PTPRD: variants seen among roughly 807,000 people sequenced by gnomAD.
PTPRD encodes the protein receptor-type tyrosine-protein phosphatase delta.
Under a neutral mutation model 214.5 loss-of-function variants are expected in PTPRD, and 34 were observed. That is an observed-to-expected ratio of 0.16 (90% CI 0.12 to 0.21). The LOEUF (loss-of-function observed/expected upper bound fraction) is 0.21. Among genes scored for constraint, PTPRD ranks in the 10% least tolerant of loss-of-function variants. PTPRD has a pLI of 1.00. For missense variants in PTPRD, 2,545 were observed against 2,398.7 expected (o/e 1.06, Z -1.27); for synonymous variants, 1,128 against 845.7 (o/e 1.33, Z -5.79).
intron 8 of PTPRD, among the ~76,000 whole-genome samples, chr9:9,545,959 A>G (rs900497214): frequency 6.6e-6 from 1 of 151,466 alleles, no homozygotes; most frequent in African/African-American, 2.4e-5. Flanking sequence ...AATTTTTTTT[A>G]TTCTATCAGG....
intron 10 of PTPRD, among the ~76,000 whole-genome samples, chr9:9,153,809 G>C (rs1223979144): frequency 6.6e-6 from 1 of 152,098 alleles, no homozygotes. Context: ...ATTTGGGGTA[G>C]AGGAGACATA....
intron 7 of PTPRD, among the ~76,000 whole-genome samples, chr9:9,607,030 G>GA (rs1554691947): frequency 1.7e-5 from 2 of 116,432 alleles, no homozygotes; most frequent in African/African-American, 6.6e-5. Context: ...TCACCGACCA[G>GA]CATAATTCAG....
chr9:8,736,894 G>A (rs1452063821), intron 11 of PTPRD, among the ~76,000 whole-genome samples: 1 of 152,064 alleles, frequency 6.6e-6, no homozygotes, highest in African/African-American at 2.4e-5. Context: ...AGTGCTAAAG[G>A]AATCAGCTCT....
In PTPRD at chr9:9,370,116, A is replaced by C. The variant is rs2059049462; in HGVS notation, c.-203+27333T>G. ...CGGGCTCTTTTTTCGTTCCATATGAACTTTAAAGTAGTTTTTTCCAATTCT... is the reference window on the plus strand; with the variant it reads ...CGGGCTCTTTTTTCGTTCCATATGACCTTTAAAGTAGTTTTTTCCAATTCT... On this transcript the variant is annotated intron_variant, in intron 9 of 45. Coordinates refer to ENST00000381196, the MANE Select transcript of PTPRD (RefSeq NM_002839.4). Among the ~76,000 whole-genome samples, 5 of 152,152 alleles carry C rather than the reference A, an allele frequency of 3.3e-5. No individual in the cohort carries two copies. The South Asian group carries it at 1.0e-3, about 32-fold the overall frequency.
intron 12 of PTPRD, among the ~76,000 whole-genome samples, chr9:8,690,772 A>G (rs61002972): frequency 0.21 from 32,181 of 152,050 alleles, 3,498 homozygotes; most frequent in Admixed American, 0.28. Flanking sequence ...AGTGAAAACT[A>G]AGAAAACTCT....
intron 8 of PTPRD, among the ~76,000 whole-genome samples, chr9:9,478,319 A>G (rs545392124): frequency 2.6e-5 from 4 of 152,330 alleles, no homozygotes; most frequent in South Asian, 2.1e-4. Flanking sequence ...GCATCTTCTT[A>G]GTTCTGAAAT....
intron 4 of PTPRD, among the ~76,000 whole-genome samples, chr9:10,015,740 C>A (rs1588960653): frequency 1.3e-5 from 2 of 152,114 alleles, no homozygotes; most frequent in Admixed American, 6.5e-5. Context: ...GGGGGAACCA[C>A]AATAGCAGCC....
chr9:9,216,476 T>A (rs1051845023), intron 9 of PTPRD, among the ~76,000 whole-genome samples: 1 of 152,198 alleles, frequency 6.6e-6, no homozygotes, highest in Non-Finnish European at 1.5e-5. Flanking sequence ...CCCTTCTATA[T>A]GCCCTTTCTT....
chr9:9,460,234 A>G (rs2145842392), intron 8 of PTPRD, among the ~76,000 whole-genome samples: 1 of 152,298 alleles, frequency 6.6e-6, no homozygotes, highest in South Asian at 2.1e-4. Context: ...GAACCATTAA[A>G]AATCCTAGAA....
At chr9:10,400,223 C>T (rs1170752704) in intron 2 of PTPRD, among the ~76,000 whole-genome samples, 1 of 151,702 alleles carries the variant, frequency 6.6e-6, no homozygotes, top group Non-Finnish European at 1.5e-5. Context: ...AATAATAGTG[C>T]TCACTCACAG....
At chr9:9,900,770 G>A (rs1157236340) in intron 5 of PTPRD, among the ~76,000 whole-genome samples, 1 of 151,652 alleles carries the variant, frequency 6.6e-6, no homozygotes, top group Non-Finnish European at 1.5e-5. Context: ...CCGAGTAGCT[G>A]GAACTACAGG....
In PTPRD at chr9:8,316,217, C is replaced by CAAAG. The variant is rs1554651068; in HGVS notation, c.*1653_*1656dup. 5.7e-5 allele frequency: 13 copies of CAAAG among 229,622 alleles called. No homozygotes were observed. The highest frequency in any genetic ancestry group is 1.1e-4 in the Admixed American group (2 of 17,606). The allele number at this position is 229,622 out of a possible 1,614,324, so 14.2% of individuals were successfully genotyped here. A position where few individuals can be genotyped will look rare whatever the true frequency, so the allele number is the denominator to read the frequency against. On this transcript the variant is annotated 3_prime_UTR_variant, in exon 46 of 46. Coordinates refer to ENST00000381196, the MANE Select transcript of PTPRD (RefSeq NM_002839.4). ...CTGAAAACTAGGAATGCATATTATT[C>CAAAG]AAAGAGTTTTTGTACATGTGGTAAA...
In PTPRD at chr9:8,891,296, G is replaced by A. The variant is rs186306539; in HGVS notation, c.-104+127401C>T. ...CTACAGGCACCCGCCACCACGCCTG[G>A]CTAATTTTTGTATTTTTAGTAGAGA... On this transcript the variant is annotated intron_variant, in intron 11 of 45. Coordinates refer to ENST00000381196, the MANE Select transcript of PTPRD (RefSeq NM_002839.4). Among the ~76,000 whole-genome samples the A allele has an allele frequency of 3.0e-3, 450 of 151,930 alleles. 4 individuals are homozygous for A. The highest frequency in any genetic ancestry group is 0.01 in the African/African-American group (427 of 41,428).
At chr9:8,527,447 T>A in intron 15 of PTPRD, 94 bp from the exon 16 acceptor site, 1 of 1,084,734 alleles carries the variant, frequency 9.2e-7, no homozygotes, top group Non-Finnish European at 1.4e-6. Flanking sequence ...TAAAGCTTTA[T>A]ATACTAAATC....
intron 8 of PTPRD, among the ~76,000 whole-genome samples, chr9:9,496,350 C>T (rs539822527): frequency 1.3e-5 from 2 of 152,018 alleles, no homozygotes; most frequent in Admixed American, 1.3e-4. Context: ...AATCAGATAT[C>T]CAGAATCTAT....
intron 2 of PTPRD, among the ~76,000 whole-genome samples, chr9:10,351,489 A>C (rs183405285): frequency 6.6e-6 from 1 of 152,158 alleles, no homozygotes; most frequent in African/African-American, 2.4e-5. Context: ...TTAAGAAAAT[A>C]TATTGTATTG....
chr9:9,387,983 T>C (rs539259298), intron 9 of PTPRD, among the ~76,000 whole-genome samples: 1 of 152,242 alleles, frequency 6.6e-6, no homozygotes, highest in Admixed American at 6.5e-5. Context: ...CCCCCTTCCT[T>C]ATCACAAGGA....
chr9:9,064,872 C>T (rs144145856), intron 10 of PTPRD, among the ~76,000 whole-genome samples: 1 of 152,174 alleles, frequency 6.6e-6, no homozygotes, highest in Non-Finnish European at 1.5e-5. Context: ...TGGGTCTAGA[C>T]AGCAGTCATG....
intron 35 of PTPRD, among the ~76,000 whole-genome samples, chr9:8,420,036 C>A (rs912557799): frequency 6.6e-6 from 1 of 152,082 alleles, no homozygotes; most frequent in Non-Finnish European, 1.5e-5. Context: ...ATCCCATCAC[C>A]CCTCACATGG....
Sources: allele counts gnomAD v4.1 joint callset (sites outside exome capture counted in the v4.1 genomes callset), GRCh38; gene constraint gnomAD v4.1.1; transcripts MANE v1.5; gene names NCBI Gene and HGNC (gene_info 2026-07-23, HGNC 2026-07-21).